Variants in FOXJ3 observed in about 807,000 individuals in gnomAD.
FOXJ3 encodes forkhead box protein J3.
Under a neutral mutation model 76.1 loss-of-function variants are expected in FOXJ3, and 22 were observed. The observed-to-expected ratio is 0.29, with a 90% confidence interval of 0.21 to 0.41. The LOEUF (loss-of-function observed/expected upper bound fraction) is 0.41. Ranked by LOEUF, FOXJ3 falls within the 10% of genes least tolerant of loss-of-function variation. FOXJ3 has a pLI of 1.00. For synonymous variants in FOXJ3, 269 were observed against 261.2 expected, an observed-to-expected ratio of 1.03 and a Z score of -0.29; for missense variants, 613 against 762.1, an observed-to-expected ratio of 0.80 and a Z score of 2.30.
chr1:42,281,352 G>C (rs1482550363), intron 2 of FOXJ3, among the ~76,000 whole-genome samples: 1 of 151,998 alleles, frequency 6.6e-6, no homozygotes, highest in African/African-American at 2.4e-5. Context: ...AAACAACATG[G>C]ACTAAAGCCT....
At chr1:42,262,195 C>T (rs1440727028) in intron 4 of FOXJ3, among the ~76,000 whole-genome samples, 4 of 152,156 alleles carry the variant, frequency 2.6e-5, no homozygotes, top group Non-Finnish European at 5.9e-5. Flanking sequence ...AGAGACATTC[C>T]TGGTGATATA....
At chr1:42,334,218 AAG>A (rs1287342520) in intron 1 of FOXJ3, 1 of 606,310 alleles carries the variant, frequency 1.6e-6, no homozygotes, top group Non-Finnish European at 2.1e-6. Context: ...AAGAGGAAAA[AAG>A]ATGTTAATGA....
rs994925313 is a variant in FOXJ3 at position 42,179,153 on chromosome 1, A to C, written c.*557T>G. 1 of 152,592 alleles carries C rather than the reference A, an allele frequency of 6.6e-6. No homozygotes were observed. Among genetic ancestry groups the C allele is most frequent in the African/African-American group, 2.4e-5 (1 of 41,432 alleles). 9.5% of individuals were successfully genotyped at this position (152,592 alleles called of 1,614,324 possible). A position where few individuals can be genotyped will look rare whatever the true frequency, so the allele number is the denominator to read the frequency against. On this transcript the variant is annotated 3_prime_UTR_variant, in exon 13 of 13. Coordinates refer to ENST00000361346, the MANE Select transcript of FOXJ3 (RefSeq NM_014947.5). ...TTCCTTGACTTATTAGATAGAATTC[A>C]TTACCCACATTTCTAAAAAAGATTA...
chr1:42,312,831 T>C (rs1654891259), intron 1 of FOXJ3, among the ~76,000 whole-genome samples: 1 of 152,254 alleles, frequency 6.6e-6, no homozygotes, highest in Non-Finnish European at 1.5e-5. Flanking sequence ...AACTGCTTTT[T>C]TAACCTTAGC....
In FOXJ3 at chr1:42,261,788, C is replaced by T. The variant is rs72674541; in HGVS notation, c.444+3327G>A. ...AGACCAAAATCTACTCCCACCCCAA[C>T]TTCGCTCAATGGTTTTCTCCCACTG... On this transcript the variant is annotated intron_variant, in intron 4 of 12. Coordinates refer to ENST00000361346, the MANE Select transcript of FOXJ3 (RefSeq NM_014947.5). Among the ~76,000 whole-genome samples, 1,021 of 152,318 alleles carry T rather than the reference C, an allele frequency of 6.7e-3. 9 individuals are homozygous for T. Among genetic ancestry groups the T allele is most frequent in the Middle Eastern group, 0.02 (6 of 294 alleles).
At chr1:42,226,825 T>C (rs964552941) in intron 5 of FOXJ3, among the ~76,000 whole-genome samples, 9 of 152,224 alleles carry the variant, frequency 5.9e-5, no homozygotes, top group African/African-American at 2.2e-4. Context: ...TGAACTCATG[T>C]GATCCCAACC....
intron 4 of FOXJ3, among the ~76,000 whole-genome samples, chr1:42,264,475 C>T (rs557253171): frequency 6.6e-6 from 1 of 152,128 alleles, no homozygotes; most frequent in East Asian, 1.9e-4. Flanking sequence ...ATCGTGCTTC[C>T]CAATAAATAC....
chr1:42,329,546 A>T (rs1269752876), intron 1 of FOXJ3, among the ~76,000 whole-genome samples: 1 of 152,218 alleles, frequency 6.6e-6, no homozygotes, highest in Non-Finnish European at 1.5e-5. Context: ...AAAAATTCAC[A>T]GTTAAAGGAA....
intron 7 of FOXJ3, among the ~76,000 whole-genome samples, chr1:42,196,353 C>T (rs1646650841): frequency 6.6e-6 from 1 of 152,202 alleles, no homozygotes; most frequent in Admixed American, 6.5e-5. Flanking sequence ...TGCCATTGCA[C>T]TGTTGCTTAG....
chr1:42,180,076 A>G (rs1428337357), intron 12 of FOXJ3, among the ~76,000 whole-genome samples: 2 of 152,168 alleles, frequency 1.3e-5, no homozygotes, highest in Non-Finnish European at 1.5e-5. Flanking sequence ...AGTTCACTTG[A>G]TCCACACTCC....
At chr1:42,209,895 G>A (rs1646933079) in intron 5 of FOXJ3, among the ~76,000 whole-genome samples, 1 of 152,216 alleles carries the variant, frequency 6.6e-6, no homozygotes, top group African/African-American at 2.4e-5. Flanking sequence ...AGTGAGAAGT[G>A]TGCTACAGCC....
At chr1:42,251,814 G>C (rs1428622436) in intron 4 of FOXJ3, among the ~76,000 whole-genome samples, 1 of 146,502 alleles carries the variant, frequency 6.8e-6, no homozygotes, top group African/African-American at 2.6e-5. Flanking sequence ...CGCCTCCCGG[G>C]TTCATGCCAT....
chr1:42,272,810 T>G (rs575610699), intron 3 of FOXJ3, among the ~76,000 whole-genome samples: 112 of 152,302 alleles, frequency 7.4e-4, no homozygotes, highest in African/African-American at 2.5e-3. Context: ...TTCCTTAAAT[T>G]TGGACCAAGC....
At chr1:42,231,312 C>A (rs1392118444) in intron 4 of FOXJ3, among the ~76,000 whole-genome samples, 6 of 151,918 alleles carry the variant, frequency 3.9e-5, no homozygotes, top group Non-Finnish European at 8.8e-5. Context: ...GGTGACAGAG[C>A]GAGACTCCAT....
At chr1:42,218,036 C>T (rs1345575161) in intron 5 of FOXJ3, among the ~76,000 whole-genome samples, 1 of 152,196 alleles carries the variant, frequency 6.6e-6, no homozygotes, top group Admixed American at 6.5e-5. Flanking sequence ...AGTGCTCCCA[C>T]ATAATGTACA....
chr1:42,323,725 A>T, intron 1 of FOXJ3: 1 of 975,484 alleles, frequency 1.0e-6, no homozygotes, highest in Non-Finnish European at 1.2e-6. Context: ...TCTTGCATGC[A>T]CAGGTACTCA....
At chr1:42,289,437 T>C (rs1446062490) in intron 2 of FOXJ3, among the ~76,000 whole-genome samples, 3 of 152,148 alleles carry the variant, frequency 2.0e-5, no homozygotes, top group Non-Finnish European at 2.9e-5. Flanking sequence ...GCTTGGCACA[T>C]AGTAAGCATT....
intron 1 of FOXJ3, among the ~76,000 whole-genome samples, chr1:42,314,386 G>C (rs1235054359): frequency 6.6e-6 from 1 of 152,182 alleles, no homozygotes; most frequent in Admixed American, 6.5e-5. Context: ...AAGTAGATAG[G>C]ATTACAGGCA....
chr1:42,244,879 G>A (rs1283608425), intron 4 of FOXJ3, among the ~76,000 whole-genome samples: 1 of 152,084 alleles, frequency 6.6e-6, no homozygotes, highest in East Asian at 1.9e-4. Flanking sequence ...CAATAAGATT[G>A]AATCAGTAAT....
Sources: allele counts gnomAD v4.1 joint callset (sites outside exome capture counted in the v4.1 genomes callset), GRCh38; gene constraint gnomAD v4.1.1; transcripts MANE v1.5; gene names NCBI Gene and HGNC (gene_info 2026-07-23, HGNC 2026-07-21).